The following TUSC3 variants were observed in gnomAD, a reference collection of about 807,000 sequenced individuals.
TUSC3 encodes dolichyl-diphosphooligosaccharide--protein glycosyltransferase subunit TUSC3.
TUSC3 carries 45 observed loss-of-function variants against 44.8 expected under a neutral mutation model. The ratio of observed to expected loss-of-function variants is 1.00; its 90% confidence interval spans 0.79 to 1.29. The LOEUF is 1.29. Among genes scored for constraint, TUSC3 ranks in the 50% most tolerant of loss-of-function variants. The pLI is 0.00. For missense variants in TUSC3, 519 were observed against 437.9 expected (o/e 1.19, Z -1.65); for synonymous variants, 212 against 152.9 (o/e 1.39, Z -2.85).
intron 1 of TUSC3, among the ~76,000 whole-genome samples, chr8:15,469,393 G>A (rs762549176): frequency 9.9e-5 from 15 of 152,222 alleles, no homozygotes; most frequent in Non-Finnish European, 2.1e-4. Flanking sequence ...GCAAATAAAC[G>A]TATGAAAATA....
intron 8 of TUSC3, 132 bp downstream of exon 8, chr8:15,743,744 C>A: frequency 9.7e-7 from 1 of 1,030,608 alleles, no homozygotes; most frequent in Non-Finnish European, 1.5e-6. Context: ...AAGATTTTAA[C>A]TTTTTTCTAT....
chr8:15,466,912 A>G (rs1341445737), intron 1 of TUSC3, among the ~76,000 whole-genome samples: 1 of 152,052 alleles, frequency 6.6e-6, no homozygotes, highest in Non-Finnish European at 1.5e-5. Flanking sequence ...TCGTCCTTTT[A>G]TGTAAAAGAT....
At chr8:15,437,677 A>T (rs62500499) in intron 1 of TUSC3, among the ~76,000 whole-genome samples, 11,624 of 152,276 alleles carry the variant, frequency 0.076, 452 homozygotes, top group East Asian at 0.15. Context: ...TCGCTTTGAA[A>T]TAACAGAGGC....
chr8:15,540,362 A>G lies in TUSC3; in HGVS notation c.-69A>G. 2 of 1,426,070 alleles carry G rather than the reference A, an allele frequency of 1.4e-6. No individual in the cohort carries two copies. The highest frequency in any genetic ancestry group is 1.8e-6 in the Non-Finnish European group (2 of 1,085,566). 88.3% of individuals were successfully genotyped at this position (1,426,070 alleles called of 1,614,324 possible). A position where few individuals can be genotyped will look rare whatever the true frequency, so the allele number is the denominator to read the frequency against. Reference sequence around the variant, plus strand: ...GCGGGCTCCCGGAGGCTGGCCGGGCAGGCGTGGTGCGCGGTAGGAGCTGGG... The same window carrying G: ...GCGGGCTCCCGGAGGCTGGCCGGGCGGGCGTGGTGCGCGGTAGGAGCTGGG... On this transcript the variant is annotated 5_prime_UTR_variant, in exon 1 of 11. Coordinates refer to ENST00000503731, the MANE Select transcript of TUSC3 (RefSeq NM_006765.4).
chr8:15,829,179 C>A, the TUSC3 span, among the ~76,000 whole-genome samples: 3 of 152,000 alleles, frequency 2.0e-5, no homozygotes, highest in Non-Finnish European at 2.9e-5. Context: ...CTTATTTAAC[C>A]AGTTCCCCAT....
the TUSC3 span, among the ~76,000 whole-genome samples, chr8:15,776,652 T>G: frequency 6.6e-6 from 1 of 152,182 alleles, no homozygotes; most frequent in South Asian, 2.1e-4. Flanking sequence ...CTTTTGAAAT[T>G]TATAGTAATA....
chr8:15,553,121 G>C lies in TUSC3; in HGVS notation c.138+12553G>C, dbSNP rs563814614. On this transcript the variant is annotated intron_variant, in intron 1 of 10. Coordinates refer to ENST00000503731, the MANE Select transcript of TUSC3 (RefSeq NM_006765.4). ...ATTTTCGAAGGAAGATAACATGTTC[G>C]TGTTTGAGAATGTATGAGATGCCTG... Among the ~76,000 whole-genome samples the C allele has an allele frequency of 1.0e-3, 156 of 151,832 alleles. 6 individuals are homozygous for C. The highest frequency in any genetic ancestry group is 2.0e-3 in the Admixed American group (30 of 15,206).
At chr8:15,503,236 G>A (rs1800993354) in intron 2 of TUSC3, among the ~76,000 whole-genome samples, 1 of 152,118 alleles carries the variant, frequency 6.6e-6, no homozygotes, top group South Asian at 2.1e-4. Context: ...ACAGTGGGAA[G>A]ACACAAGGAC....
rs972048777 is a variant in TUSC3, at chr8:15,663,033, G to C, written c.708+737G>C. Among the ~76,000 whole-genome samples, 8 of 152,032 alleles carry C rather than the reference G, an allele frequency of 5.3e-5. No individual in the cohort carries two copies. In the East Asian group the frequency reaches 1.4e-3, roughly 26 times the overall value. On this transcript the variant is annotated intron_variant, in intron 5 of 10. Coordinates refer to ENST00000503731, the MANE Select transcript of TUSC3 (RefSeq NM_006765.4). ...TGATGGCAAGGTAGGAGGGGAAAGA[G>C]ATGACAGTAGAGTTCAGCAGTTCCC...
chr8:15,495,914 C>G (rs1481867537), intron 2 of TUSC3, among the ~76,000 whole-genome samples: 1 of 152,154 alleles, frequency 6.6e-6, no homozygotes, highest in East Asian at 1.9e-4. Context: ...TCACTATACA[C>G]TATTTAAATT....
intron 2 of TUSC3, among the ~76,000 whole-genome samples, chr8:15,645,504 A>G (rs1346337366): frequency 2.0e-5 from 3 of 152,096 alleles, no homozygotes; most frequent in Admixed American, 6.6e-5. Flanking sequence ...TATAGCACCT[A>G]CAGTCTACAT....
chr8:15,552,889 A>C (rs951947117), intron 1 of TUSC3, among the ~76,000 whole-genome samples: 1 of 151,668 alleles, frequency 6.6e-6, no homozygotes, highest in African/African-American at 2.4e-5. Context: ...GCAGATGTCA[A>C]AGTGAGAGGT....
chr8:15,799,815 A>G, the TUSC3 span, among the ~76,000 whole-genome samples: 1 of 152,188 alleles, frequency 6.6e-6, no homozygotes, highest in Non-Finnish European at 1.5e-5. Flanking sequence ...CCCCAGTTTC[A>G]TGGATGTCGA....
intron 6 of TUSC3, among the ~76,000 whole-genome samples, chr8:15,701,077 A>T (rs1006378511): frequency 1.3e-5 from 2 of 152,086 alleles, no homozygotes; most frequent in Non-Finnish European, 2.9e-5. Context: ...AAGTACATCC[A>T]TCTTGTCTGG....
chr8:15,825,381 G>T, the TUSC3 span, among the ~76,000 whole-genome samples: 1 of 152,134 alleles, frequency 6.6e-6, no homozygotes, highest in Non-Finnish European at 1.5e-5. Context: ...GCAAGAGGAC[G>T]TGTGCAGGGG....
intron 1 of TUSC3, among the ~76,000 whole-genome samples, chr8:15,609,141 A>G (rs1394985642): frequency 6.6e-6 from 1 of 152,216 alleles, no homozygotes; most frequent in African/African-American, 2.4e-5. Flanking sequence ...GAATAAAGTC[A>G]CTGAAAAAAT....
intron 1 of TUSC3, among the ~76,000 whole-genome samples, chr8:15,584,691 G>T (rs1013238569): frequency 6.2e-4 from 94 of 152,170 alleles, no homozygotes; most frequent in African/African-American, 2.2e-3. Flanking sequence ...TCTGGAATAT[G>T]TGTGTATGGG....
chr8:15,520,805 G>T, intron 2 of TUSC3, among the ~76,000 whole-genome samples: 1 of 152,246 alleles, frequency 6.6e-6, no homozygotes, highest in South Asian at 2.1e-4. Flanking sequence ...AGGTTTTTCT[G>T]TGTTCTAGTT....
intron 2 of TUSC3, 37 bp downstream of exon 2, chr8:15,623,286 T>C: frequency 6.5e-7 from 1 of 1,530,634 alleles, no homozygotes; most frequent in Non-Finnish European, 8.8e-7. Context: ...AAAACTATTA[T>C]TCTTGGTTTA....
Sources: gnomAD v4.1 joint callset for allele counts (sites outside exome capture counted in the v4.1 genomes callset) on GRCh38, gnomAD v4.1.1 for gene constraint, MANE v1.5 for transcripts, NCBI Gene and HGNC (gene_info 2026-07-23, HGNC 2026-07-21) for gene names.